The following AGO2 variants were observed in gnomAD, a reference collection of about 807,000 sequenced individuals.
AGO2 encodes protein argonaute-2.
In AGO2, 5 loss-of-function variants were observed where a neutral mutation model predicts 102.3. The ratio of observed to expected loss-of-function variants is 0.05; its 90% CI spans 0.03 to 0.10. The LOEUF (loss-of-function observed/expected upper bound fraction) is 0.10. Among genes scored for constraint, AGO2 ranks in the 10% least tolerant of loss-of-function variants. The pLI is 1.00. For synonymous variants in AGO2, 449 were observed against 473.1 expected, an observed-to-expected ratio of 0.95 and a Z score of 0.66; for missense variants, 541 against 1,183.7, an observed-to-expected ratio of 0.46 and a Z score of 7.97.
rs2072777670 is a variant in AGO2, at chr8:140,540,486, G to A, written c.2034+678C>T. ...CTCTAGCCAACGGGAGAAACATTCA[G>A]GGCACCCATCGCCCGGGTTCCAGGC... On this transcript the variant is annotated intron_variant, in intron 15 of 18. Transcript: ENST00000220592. This position sits in a 1 kb window ranked among gnomAD's most constrained non-coding sequence, Gnocchi z 5.0. 6.6e-6 allele frequency among the ~76,000 whole-genome samples: 1 copy of A among 152,216 alleles called. No homozygotes were observed. Among genetic ancestry groups the A allele is most frequent in the Non-Finnish European group, 1.5e-5 (1 of 68,030 alleles).
Position 140,551,914 on chromosome 8 carries a change from GGTGGATGGAGA to G in AGO2, c.1270-489_1270-479del, listed in dbSNP as rs545320983. Among the ~76,000 whole-genome samples the G allele has an allele frequency of 1.6e-4, 25 of 152,264 alleles. No homozygotes were observed. In the South Asian group the frequency reaches 5.2e-3, roughly 32 times the overall value. On this transcript the variant is annotated intron_variant, in intron 10 of 18. Coordinates refer to ENST00000220592, the MANE Select transcript of AGO2 (RefSeq NM_012154.5). The stretch of plus-strand genomic sequence containing the variant: ...GGCTGATGAGTGGATAAGGTAGGTA[GGTGGATGGAGA>G]GATGGAGAGATGGATGAATGGATGA...
At chr8:140,570,755 G>A (rs1490387887) in intron 3 of AGO2, among the ~76,000 whole-genome samples, 2 of 152,278 alleles carry the variant, frequency 1.3e-5, no homozygotes, top group East Asian at 3.9e-4. Flanking sequence ...CAGTTGAGGT[G>A]CCCCAGGTCC....
At chr8:140,596,318 C>G (rs1186372610) in intron 1 of AGO2, among the ~76,000 whole-genome samples, 4 of 152,206 alleles carry the variant, frequency 2.6e-5, no homozygotes, top group Non-Finnish European at 4.4e-5. Flanking sequence ...TGTGGTGGCT[C>G]ATGCCCTGTA....
intron 3 of AGO2, among the ~76,000 whole-genome samples, chr8:140,564,309 C>T (rs1354842222): frequency 7.1e-6 from 1 of 140,548 alleles, no homozygotes; most frequent in Non-Finnish European, 1.5e-5. Flanking sequence ...TGGGGGGACG[C>T]AATCAAGGCT....
intron 1 of AGO2, among the ~76,000 whole-genome samples, chr8:140,595,815 ATTATAT>A (rs1358361600): frequency 4.8e-5 from 4 of 83,308 alleles, no homozygotes; most frequent in Non-Finnish European, 8.6e-5. Context: ...AATTGTATAT[ATTATAT>A]TTATATTATA....
At chr8:140,543,178 A>C (rs922615467) in intron 14 of AGO2, among the ~76,000 whole-genome samples, 1 of 104,046 alleles carries the variant, frequency 9.6e-6, no homozygotes, top group African/African-American at 4.9e-5. Context: ...AGAAACAACA[A>C]AAAAAAACCC....
chr8:140,524,072 A>G lies in AGO2; in HGVS notation c.*7972T>C, dbSNP rs1588424952. 1.3e-5 allele frequency: 2 copies of G among 152,392 alleles called. No homozygotes were observed. Among genetic ancestry groups the G allele is most frequent in the South Asian group, 2.1e-4 (1 of 4,830 alleles). The allele number at this position is 152,392 out of a possible 1,614,324, so 9.4% of individuals were successfully genotyped here. ...GTCAAAACTGGTGTCCTATGTGCAC[A>G]GCTCAAGGTGACACCACACCAAAGT... On this transcript the variant is annotated 3_prime_UTR_variant, in exon 19 of 19. Coordinates refer to ENST00000220592, the MANE Select transcript of AGO2 (RefSeq NM_012154.5).
intron 3 of AGO2, among the ~76,000 whole-genome samples, chr8:140,568,322 G>T (rs2073324954): frequency 6.6e-6 from 1 of 151,090 alleles, no homozygotes; most frequent in Non-Finnish European, 1.5e-5. Flanking sequence ...AAGAAACTGT[G>T]TATGAAGCCA....
intron 1 of AGO2, among the ~76,000 whole-genome samples, chr8:140,587,192 G>A (rs2073672694): frequency 6.6e-6 from 1 of 152,164 alleles, no homozygotes; most frequent in South Asian, 2.1e-4. Context: ...GGCATGGGAG[G>A]CGGGAAACCT....
At position 140,522,559 on chromosome 8, in the gene AGO2, A is replaced by AAC. The variant is rs1400100086; in HGVS notation, c.*9484_*9485insGT. 1 of 150,892 alleles carries AAC rather than the reference A, an allele frequency of 6.6e-6. No individual in the cohort carries two copies. The highest frequency in any genetic ancestry group is 1.5e-5 in the Non-Finnish European group (1 of 67,820). The allele number at this position is 150,892 out of a possible 1,614,324, so 9.3% of individuals were successfully genotyped here. A position where few individuals can be genotyped will look rare whatever the true frequency, so the allele number is the denominator to read the frequency against. ...AAAAAAAAAGAAACATGAAAAAAAA[A>AAC]AAAAACCCTGAAAAAGTCGCAAGAC... is the stretch of plus-strand genomic sequence containing the variant. On this transcript the variant is annotated 3_prime_UTR_variant, in exon 19 of 19. Coordinates refer to ENST00000220592, the MANE Select transcript of AGO2 (RefSeq NM_012154.5).
chr8:140,573,645 T>C (rs2073420407), intron 2 of AGO2, among the ~76,000 whole-genome samples: 1 of 152,350 alleles, frequency 6.6e-6, no homozygotes, highest in African/African-American at 2.4e-5. Context: ...ATATGCCACA[T>C]ACAGCAGATG....
rs372789377 is a variant in AGO2, at chr8:140,557,263, C to A, written c.879-27G>T. 2.3e-5 allele frequency: 36 copies of A among 1,592,872 alleles called. No homozygotes were observed. The highest frequency in any genetic ancestry group is 2.7e-5 in the Non-Finnish European group (32 of 1,168,204). ...TGAGGAGCAAAGGGGCTGTTCAGGC[C>A]GAGGGCATCCCGGAGCCCCTTCCCC... On this transcript the variant is annotated intron_variant, in intron 7 of 18. Coordinates refer to ENST00000220592, the MANE Select transcript of AGO2 (RefSeq NM_012154.5). The surrounding 1 kb of genome is among the most constrained non-coding windows in gnomAD (Gnocchi z 5.9).
At chr8:140,559,356 T>C (rs907610632) in intron 6 of AGO2, 39 bp downstream of exon 6, 1 of 1,606,932 alleles carries the variant, frequency 6.2e-7, no homozygotes, top group South Asian at 1.1e-5. Flanking sequence ...GGAAGGGGCC[T>C]CCCAGCCCTC....
At position 140,612,178 on chromosome 8, in the gene AGO2, G is replaced by T. The variant is rs2074086998; in HGVS notation, c.22+23307C>A. ...GCGGAGGTTGCAGTGAGCTGAGATT[G>T]TGCCACTGCACTCCGGCCTGGCCAA... On this transcript the variant is annotated intron_variant, in intron 1 of 18. Transcript: ENST00000220592. Among the ~76,000 whole-genome samples, 2 of 142,466 alleles carry T rather than the reference G, an allele frequency of 1.4e-5. 1 individual carries two copies. The highest frequency in any genetic ancestry group is 4.7e-4 in the South Asian group (2 of 4,238). 93.5% of individuals were successfully genotyped at this position (142,466 alleles called of 152,430 possible).
At chr8:140,578,912 T>C (rs1374921828) in intron 2 of AGO2, among the ~76,000 whole-genome samples, 2 of 152,256 alleles carry the variant, frequency 1.3e-5, no homozygotes, top group Non-Finnish European at 2.9e-5. Context: ...TTGTCATAAT[T>C]CTGAGAGGTT....
chr8:140,533,125 C>T (rs1481300527), intron 17 of AGO2, among the ~76,000 whole-genome samples: 2 of 151,890 alleles, frequency 1.3e-5, no homozygotes, highest in East Asian at 3.9e-4. Context: ...CCCGGTGGCT[C>T]ACACCTGTAA....
intron 10 of AGO2, among the ~76,000 whole-genome samples, chr8:140,553,489 A>G (rs1462470047): frequency 4.0e-5 from 6 of 148,266 alleles, no homozygotes; most frequent in Admixed American, 1.4e-4. Flanking sequence ...GGCTCACCGC[A>G]ACCTCTGCCT....
rs1491278408 is a variant in AGO2, at chr8:140,566,617, TTG to T, written c.337-3985_337-3984del. Among the ~76,000 whole-genome samples the T allele has an allele frequency of 6.9e-4, 100 of 143,908 alleles. 1 individual carries two copies. The highest frequency in any genetic ancestry group is 1.9e-3 in the African/African-American group (73 of 38,110). 94.4% of individuals were successfully genotyped at this position (143,908 alleles called of 152,430 possible). Reference sequence around the variant, plus strand: ...CCTTTACTTTCTTTTTTTTTTTTTTTTGGGGGGGGGGAAGGTGTCCCGCTCTC... The same window carrying T: ...CCTTTACTTTCTTTTTTTTTTTTTTTGGGGGGGGGAAGGTGTCCCGCTCTC... On this transcript the variant is annotated intron_variant, in intron 3 of 18. Transcript: ENST00000220592.
intron 1 of AGO2, among the ~76,000 whole-genome samples, chr8:140,619,642 A>G (rs965279719): frequency 2.6e-5 from 4 of 152,250 alleles, no homozygotes; most frequent in Admixed American, 1.3e-4. Context: ...TGTAAGGCCA[A>G]GGACAAGAAG....
Sources: gnomAD v4.1 joint callset for allele counts (sites outside exome capture counted in the v4.1 genomes callset) on GRCh38, gnomAD v4.1.1 for gene constraint, Gnocchi (gnomAD v3.1) non-coding constraint, MANE v1.5 for transcripts, NCBI Gene and HGNC (gene_info 2026-07-23, HGNC 2026-07-21) for gene names.